CELF4: variants seen among roughly 807,000 people sequenced by gnomAD.
The protein encoded by CELF4 is CUG-BP- and ETR-3-like factor 4.
In CELF4, 18 loss-of-function variants were observed where a neutral mutation model predicts 59.9. The observed-to-expected ratio is 0.30, with a 90% CI of 0.21 to 0.45. CELF4 has a LOEUF of 0.45. Among genes scored for constraint, CELF4 ranks in the 20% least tolerant of loss-of-function variants. CELF4 has a pLI of 1.00. For missense variants in CELF4, 456 were observed against 689.0 expected (o/e 0.66, Z 3.79); for synonymous variants, 261 against 267.1 (o/e 0.98, Z 0.22).
At chr18:37,561,822 G>C (rs1046399832) in intron 1 of CELF4, among the ~76,000 whole-genome samples, 4 of 152,146 alleles carry the variant, frequency 2.6e-5, no homozygotes. Context: ...TGCTACCCGA[G>C]GAATTCATCT....
intron 1 of CELF4, among the ~76,000 whole-genome samples, chr18:37,536,470 C>A (rs2099973579): frequency 6.6e-6 from 1 of 152,236 alleles, no homozygotes; most frequent in South Asian, 2.1e-4. Context: ...ATCTTCTCAG[C>A]CCTCGGCAAG....
intron 2 of CELF4, among the ~76,000 whole-genome samples, chr18:37,441,648 C>A (rs943660596): frequency 5.9e-5 from 9 of 152,030 alleles, no homozygotes; most frequent in Admixed American, 4.6e-4. Context: ...TTTGTGGTCA[C>A]CCTCTATCTT....
intron 1 of CELF4, among the ~76,000 whole-genome samples, chr18:37,547,970 AGTGT>A (rs151241995): frequency 1.3e-5 from 2 of 151,298 alleles, no homozygotes; most frequent in Admixed American, 1.3e-4. Context: ...TGCATTTTTG[AGTGT>A]GTGTGTGTGC....
Position 37,349,189 on chromosome 18 carries a change from C to A in CELF4, c.370-27308G>T, listed in dbSNP as rs139924854. ...TTCGGAAACTCAGAGATAGCGCAGG[C>A]GGTTTCGGCAGTTCCCAGTTTTCTG... On this transcript the variant is annotated intron_variant, in intron 2 of 12. Transcript: ENST00000420428. Among the ~76,000 whole-genome samples the A allele has an allele frequency of 3.6e-3, 541 of 152,338 alleles. 2 individuals carry two copies. Among genetic ancestry groups the A allele is most frequent in the African/African-American group, 0.012 (500 of 41,568 alleles).
chr18:37,396,259 G>A (rs534966468), intron 2 of CELF4, among the ~76,000 whole-genome samples: 2 of 152,256 alleles, frequency 1.3e-5, no homozygotes, highest in African/African-American at 2.4e-5. Flanking sequence ...ACAGCCACAC[G>A]CCACTGTGGC....
chr18:37,550,900 C>T (rs1255864685), intron 1 of CELF4, among the ~76,000 whole-genome samples: 20 of 152,354 alleles, frequency 1.3e-4, no homozygotes, highest in Admixed American at 1.3e-3. Context: ...GATGGTAACG[C>T]ATTAATGTCC....
At chr18:37,399,800 T>C (rs967387873) in intron 2 of CELF4, among the ~76,000 whole-genome samples, 1 of 152,214 alleles carries the variant, frequency 6.6e-6, no homozygotes, top group African/African-American at 2.4e-5. Flanking sequence ...TAACTAGCTA[T>C]GTGACCTTGG....
intron 1 of CELF4, among the ~76,000 whole-genome samples, chr18:37,500,619 C>T (rs1417726549): frequency 3.3e-5 from 5 of 151,172 alleles, no homozygotes; most frequent in East Asian, 3.9e-4. Flanking sequence ...CTGCAAGCTC[C>T]GCCTCCTGGG....
At chr18:37,296,901 A>G (rs2095678606) in intron 3 of CELF4, among the ~76,000 whole-genome samples, 1 of 152,200 alleles carries the variant, frequency 6.6e-6, no homozygotes, top group African/African-American at 2.4e-5. Context: ...CAAGGGCCAA[A>G]CCAGGGAGCA....
intron 2 of CELF4, among the ~76,000 whole-genome samples, chr18:37,423,127 G>C (rs1480838472): frequency 1.3e-5 from 2 of 151,850 alleles, no homozygotes; most frequent in South Asian, 4.2e-4. Context: ...CAGACAGAGA[G>C]AGTCAGAGAG....
intron 3 of CELF4, among the ~76,000 whole-genome samples, chr18:37,286,310 G>T (rs58293356): frequency 6.6e-6 from 1 of 152,212 alleles, no homozygotes; most frequent in African/African-American, 2.4e-5. Flanking sequence ...TTAGCTGGGC[G>T]CAGAGCTGCA....
intron 2 of CELF4, among the ~76,000 whole-genome samples, chr18:37,429,480 C>T (rs1429771123): frequency 6.6e-6 from 1 of 152,082 alleles, no homozygotes; most frequent in South Asian, 2.1e-4. Flanking sequence ...TGTGTGCCAG[C>T]GTCTTTGAAT....
chr18:37,295,830 G>A (rs2095608506), intron 3 of CELF4, among the ~76,000 whole-genome samples: 1 of 152,214 alleles, frequency 6.6e-6, no homozygotes, highest in Non-Finnish European at 1.5e-5. Context: ...GCGGCGAGAG[G>A]AAGAGGAACT....
intron 1 of CELF4, among the ~76,000 whole-genome samples, chr18:37,506,080 A>G (rs1271876383): frequency 3.9e-5 from 5 of 128,956 alleles, no homozygotes; most frequent in East Asian, 2.1e-4. Flanking sequence ...CCCACCCCCA[A>G]CGCCGCCCCC....
intron 2 of CELF4, among the ~76,000 whole-genome samples, chr18:37,328,017 G>A (rs2097385163): frequency 6.6e-6 from 1 of 152,206 alleles, no homozygotes; most frequent in Non-Finnish European, 1.5e-5. Context: ...GTGTGCATGT[G>A]TGTGACAGAG....
chr18:37,534,604 G>A (rs975144441), intron 1 of CELF4, among the ~76,000 whole-genome samples: 2 of 152,176 alleles, frequency 1.3e-5, no homozygotes, highest in African/African-American at 4.8e-5. Context: ...AAGTGAAGGA[G>A]GAATTCTCAA....
chr18:37,300,745 CA>C (rs1412133982), intron 3 of CELF4, among the ~76,000 whole-genome samples: 36 of 152,304 alleles, frequency 2.4e-4, no homozygotes, highest in African/African-American at 8.7e-4. Context: ...TAAAATAAAA[CA>C]AGGAAGCAGA....
chr18:37,464,797 T>G lies in CELF4; in HGVS notation c.369+20728A>C, dbSNP rs531566892. Among the ~76,000 whole-genome samples, 13 of 152,314 alleles carry G rather than the reference T, an allele frequency of 8.5e-5. No individual in the cohort carries two copies. The East Asian group carries it at 2.5e-3, about 29-fold the overall frequency. On this transcript the variant is annotated intron_variant, in intron 2 of 12. Coordinates refer to ENST00000420428, the MANE Select transcript of CELF4 (RefSeq NM_020180.4). ...GGCCACAGTGCTATCTTCAGACTTC[T>G]AAACTCAGCCAGTTTGGCCCACCCA... is the stretch of plus-strand genomic sequence containing the variant.
rs181295898 is a variant in CELF4, at chr18:37,528,552, T to C, written c.286+36804A>G. On this transcript the variant is annotated intron_variant, in intron 1 of 12. Transcript: ENST00000420428. The stretch of plus-strand genomic sequence containing the variant: ...CTGATTTGGAAAGATCCAAGATATG[T>C]TGCAAAGCCAGGAATCAAGGTGCAT... 2.0e-5 allele frequency among the ~76,000 whole-genome samples: 3 copies of C among 152,352 alleles called. No homozygotes were observed. The East Asian group carries it at 5.8e-4, about 29-fold the overall frequency.
Sources: allele counts gnomAD v4.1 joint callset (sites outside exome capture counted in the v4.1 genomes callset), GRCh38; gene constraint gnomAD v4.1.1; transcripts MANE v1.5; gene names NCBI Gene and HGNC (gene_info 2026-07-23, HGNC 2026-07-21).